IL1R2: variants seen among roughly 807,000 people sequenced by gnomAD.
IL1R2 encodes interleukin 1 receptor type 2, also known as interleukin-1 receptor type 2.
IL1R2 carries 46 observed loss-of-function variants against 39.5 expected under a neutral mutation model. That is an observed-to-expected ratio of 1.16 (90% CI 0.92 to 1.49). IL1R2 has a LOEUF of 1.49. Among genes scored for constraint, IL1R2 ranks in the 40% most tolerant of loss-of-function variants. IL1R2 has a pLI of 0.00. For missense variants in IL1R2, 537 were observed against 502.0 expected (o/e 1.07, Z -0.67); for synonymous variants, 207 against 189.6 (o/e 1.09, Z -0.75).
intron 7 of IL1R2, among the ~76,000 whole-genome samples, chr2:102,025,681 A>G (rs1441383359): frequency 6.6e-6 from 1 of 152,202 alleles, no homozygotes; most frequent in Non-Finnish European, 1.5e-5. Context: ...AGTAGAGATG[A>G]GAAGAGACGG....
chr2:102,007,600 C>T (rs1161455481), intron 1 of IL1R2, among the ~76,000 whole-genome samples: 1 of 152,092 alleles, frequency 6.6e-6, no homozygotes, highest in Non-Finnish European at 1.5e-5. Context: ...AAGGACAATG[C>T]CCAGGAGAAA....
At chr2:102,017,681 A>G (rs910090975) in intron 4 of IL1R2, among the ~76,000 whole-genome samples, 10 of 152,250 alleles carry the variant, frequency 6.6e-5, no homozygotes, top group African/African-American at 2.4e-4. Context: ...AGGATATTTT[A>G]TGATGTGAAA....
chr2:101,995,060 G>C (rs1323492224), intron 1 of IL1R2, among the ~76,000 whole-genome samples: 1 of 152,192 alleles, frequency 6.6e-6, no homozygotes, highest in Non-Finnish European at 1.5e-5. Flanking sequence ...TCACTACCAT[G>C]ATTAAGTTAC....
At chr2:102,027,812 C>T (rs1366249945) in intron 8 of IL1R2, among the ~76,000 whole-genome samples, 3 of 152,160 alleles carry the variant, frequency 2.0e-5, no homozygotes, top group African/African-American at 7.2e-5. Context: ...CTCCATTATT[C>T]AAAATTTATT....
At chr2:102,010,609 C>T (rs1053520253) in intron 3 of IL1R2, among the ~76,000 whole-genome samples, 2 of 151,530 alleles carry the variant, frequency 1.3e-5, no homozygotes, top group African/African-American at 2.4e-5. Flanking sequence ...TCCAACTGCT[C>T]GTTGTAAGGA....
intron 1 of IL1R2, among the ~76,000 whole-genome samples, chr2:102,003,986 T>TC (rs1676100806): frequency 6.6e-6 from 1 of 150,488 alleles, no homozygotes; most frequent in Non-Finnish European, 1.5e-5. Context: ...GGTCTCGGTC[T>TC]GGGTCTATGT....
chr2:102,000,216 T>C (rs1471664153), intron 1 of IL1R2, among the ~76,000 whole-genome samples: 1 of 152,216 alleles, frequency 6.6e-6, no homozygotes, highest in African/African-American at 2.4e-5. Context: ...GAACACTTTC[T>C]TTTTGCAGCA....
chr2:102,010,187 T>G, intron 3 of IL1R2: 1 of 234,544 alleles, frequency 4.3e-6, no homozygotes, highest in Non-Finnish European at 8.5e-6. Flanking sequence ...GAATGTAAAC[T>G]CTGCAAGGGC....
chr2:101,995,766 C>T (rs113096682), intron 1 of IL1R2, among the ~76,000 whole-genome samples: 18 of 152,310 alleles, frequency 1.2e-4, no homozygotes, highest in East Asian at 9.6e-4. Context: ...TGGACTATGA[C>T]GACTCATCAG....
At chr2:102,020,032 G>A (rs965980777) in intron 5 of IL1R2, among the ~76,000 whole-genome samples, 1 of 152,200 alleles carries the variant, frequency 6.6e-6, no homozygotes, top group African/African-American at 2.4e-5. Flanking sequence ...AACGAATTGG[G>A]AAGGTTATAG....
At chr2:102,001,606 T>C (rs969283358) in intron 1 of IL1R2, among the ~76,000 whole-genome samples, 2 of 152,216 alleles carry the variant, frequency 1.3e-5, no homozygotes, top group African/African-American at 4.8e-5. Flanking sequence ...ACAACTCATC[T>C]AGGTTTTTGT....
chr2:102,022,125 T>C, intron 5 of IL1R2, 62 bp from the exon 6 acceptor site: 1 of 1,370,886 alleles, frequency 7.3e-7, no homozygotes, highest in African/African-American at 1.4e-5. Flanking sequence ...AACAATGACT[T>C]GAACCACAGC....
intron 1 of IL1R2, among the ~76,000 whole-genome samples, chr2:102,002,290 GTGTGTCTGTGTC>G (rs200294532): frequency 4.7e-5 from 7 of 150,014 alleles, no homozygotes; most frequent in South Asian, 2.1e-4. Context: ...GTCTGTGTCT[GTGTGTCTGTGTC>G]TGTGTCTGTG....
At position 102,012,195 on chromosome 2, in the gene IL1R2, T is replaced by C. The variant is rs375484060; in HGVS notation, c.332+2369T>C. 1.4e-3 allele frequency among the ~76,000 whole-genome samples: 213 copies of C among 152,326 alleles called. 6 individuals are homozygous for C. The South Asian group carries it at 0.04, about 28-fold the overall frequency. On this transcript the variant is annotated intron_variant, in intron 3 of 8. Transcript: ENST00000332549. ...ATCTGTTCCTCCAATAAAAACTTCCTTGGCTTTGTTCTTCTGAACTAAGAC... is the reference window on the plus strand; with the variant it reads ...ATCTGTTCCTCCAATAAAAACTTCCCTGGCTTTGTTCTTCTGAACTAAGAC...
intron 1 of IL1R2, among the ~76,000 whole-genome samples, chr2:102,007,935 C>T (rs1001245128): frequency 6.6e-5 from 10 of 152,228 alleles, no homozygotes. Context: ...TCTTGCAGGA[C>T]TCAGACTTCA....
chr2:102,019,510 T>C, intron 4 of IL1R2, 128 bp from the exon 5 acceptor site: 1 of 675,012 alleles, frequency 1.5e-6, no homozygotes, highest in Non-Finnish European at 2.5e-6. Flanking sequence ...AGTACAAAAT[T>C]GGCAAAGTAA....
intron 1 of IL1R2, among the ~76,000 whole-genome samples, chr2:101,997,170 C>A (rs1675632109): frequency 6.6e-6 from 1 of 152,250 alleles, no homozygotes; most frequent in South Asian, 2.1e-4. Flanking sequence ...CATGAGGTGT[C>A]CTGTGGAATC....
chr2:102,013,581 G>GAAAA (rs1559421510), intron 3 of IL1R2, among the ~76,000 whole-genome samples: 1 of 28,494 alleles, frequency 3.5e-5, no homozygotes, highest in Non-Finnish European at 7.2e-5. Flanking sequence ...AGAAGGAAAA[G>GAAAA]AAAAAGAAAA....
In IL1R2 at chr2:102,009,747, C is replaced by T. The variant is rs139061430; in HGVS notation, c.253C>T (p.Arg85Trp). The change falls in exon 3 of 9, where the codon CGG becomes TGG. Residue 85 changes from arginine to tryptophan, a missense_variant. Physicochemically the swap from Arg to Trp is moderately radical, Grantham distance 101. Transcript: ENST00000332549. ...ARTVPGEEET[R>W]MWAQDGALWL... Reference sequence around the variant, plus strand: ...GACGGTCCCAGGAGAAGAAGAGACACGGATGTGGGCCCAGGACGGTGCTCT... The same window carrying T: ...GACGGTCCCAGGAGAAGAAGAGACATGGATGTGGGCCCAGGACGGTGCTCT... The T allele has an allele frequency of 4.0e-4, 641 of 1,614,070 alleles. 2 individuals are homozygous for T. The highest frequency in any genetic ancestry group is 4.8e-4 in the Non-Finnish European group (561 of 1,180,044).
Sources: allele counts gnomAD v4.1 joint callset (sites outside exome capture counted in the v4.1 genomes callset), GRCh38; gene constraint gnomAD v4.1.1; transcripts MANE v1.5; gene names NCBI Gene and HGNC (gene_info 2026-07-23, HGNC 2026-07-21).